CFAP61: variants seen among roughly 807,000 people sequenced by gnomAD.
CFAP61 encodes cilia and flagella associated protein 61.
CFAP61 carries 107 observed loss-of-function variants against 135.6 expected under a neutral mutation model. That is an observed-to-expected ratio of 0.79 (90% CI 0.67 to 0.93). CFAP61 has a LOEUF of 0.93. CFAP61 is among the 40% of genes least tolerant of loss of function. The pLI, the probability that CFAP61 is intolerant of heterozygous loss-of-function variation, is 0.00. For missense variants in CFAP61, 1,507 were observed against 1,556.2 expected, an observed-to-expected ratio of 0.97 and a Z score of 0.53; for synonymous variants, 575 against 578.5, an observed-to-expected ratio of 0.99 and a Z score of 0.09.
At position 20,098,771 on chromosome 20, in the gene CFAP61, C is replaced by T. The variant is rs181125825; in HGVS notation, c.816C>T (p.Asp272=). The T allele has an allele frequency of 1.9e-5, 30 of 1,613,922 alleles. No individual in the cohort carries two copies. The highest frequency in any genetic ancestry group is 1.1e-4 in the East Asian group (5 of 44,870). Residue 272 remains aspartate (D), a synonymous_variant, in exon 8 of 27, where the codon GAC becomes GAT. Coordinates refer to ENST00000245957, the MANE Select transcript of CFAP61 (RefSeq NM_015585.4). The part of the protein sequence containing the change: ...FHGLCFPHPD[D]VLESPQDLSV... ...GACTCTGTTTCCCACATCCTGATGA[C>T]GTTCTGGAATCACCACAAGACCTAA... is the stretch of plus-strand genomic sequence containing the variant.
chr20:20,272,507 T>G (rs1054141490), intron 21 of CFAP61, among the ~76,000 whole-genome samples: 2 of 152,162 alleles, frequency 1.3e-5, no homozygotes, highest in Non-Finnish European at 2.9e-5. Context: ...ACTGGGGCTA[T>G]CTTACCTGTC....
chr20:20,160,899 A>C (rs969172965), intron 10 of CFAP61, among the ~76,000 whole-genome samples: 6 of 152,116 alleles, frequency 3.9e-5, no homozygotes, highest in African/African-American at 1.4e-4. Flanking sequence ...TTCACCTCTT[A>C]GGTGGGACCA....
chr20:20,324,056 A>G (rs1168213516), intron 25 of CFAP61, among the ~76,000 whole-genome samples: 1 of 152,168 alleles, frequency 6.6e-6, no homozygotes, highest in Non-Finnish European at 1.5e-5. Context: ...ATTCTTGATG[A>G]TACATCTTTT....
At chr20:20,074,980 G>A (rs1274095124) in intron 4 of CFAP61, among the ~76,000 whole-genome samples, 2 of 152,176 alleles carry the variant, frequency 1.3e-5, no homozygotes, top group African/African-American at 4.8e-5. Context: ...GGGACAGATC[G>A]AAAAGGGGCC....
chr20:20,090,700 AAAAAAAAAAAAAGAAGG>A (rs2047128931), intron 6 of CFAP61, 127 bp from the exon 7 acceptor site: 2 of 695,676 alleles, frequency 2.9e-6, no homozygotes, highest in Non-Finnish European at 4.6e-6. Context: ...AAAAAAAAAA[AAAAAAAAAAAAAGAAGG>A]AAAGTTGATA....
intron 3 of CFAP61, among the ~76,000 whole-genome samples, chr20:20,071,262 A>C (rs968155763): frequency 1.3e-5 from 2 of 152,166 alleles, no homozygotes; most frequent in African/African-American, 4.8e-5. Context: ...GGGAGGAATT[A>C]GTGGAAGTGT....
chr20:20,143,477 A>T (rs2146753959), intron 9 of CFAP61, among the ~76,000 whole-genome samples: 1 of 152,256 alleles, frequency 6.6e-6, no homozygotes, highest in African/African-American at 2.4e-5. Context: ...GATTTAATGG[A>T]ATTAGTTTTT....
intron 10 of CFAP61, among the ~76,000 whole-genome samples, chr20:20,159,827 C>G (rs1322622360): frequency 3.9e-5 from 6 of 152,194 alleles, no homozygotes; most frequent in African/African-American, 1.4e-4. Flanking sequence ...CTGTCCGTGT[C>G]TAGGTGTGTT....
chr20:20,225,943 C>T (rs2048706945), intron 17 of CFAP61: 1 of 152,168 alleles, frequency 6.6e-6, no homozygotes, highest in African/African-American at 2.4e-5. Context: ...TGGATCTGTG[C>T]TAGGAAATTC....
chr20:20,179,881 G>A (rs533851339), intron 13 of CFAP61, among the ~76,000 whole-genome samples: 1 of 152,206 alleles, frequency 6.6e-6, no homozygotes, highest in South Asian at 2.1e-4. Context: ...TTAACTCAAG[G>A]ATTAAAGACT....
chr20:20,197,100 A>G (rs988368466), intron 16 of CFAP61, among the ~76,000 whole-genome samples: 4 of 152,214 alleles, frequency 2.6e-5, no homozygotes, highest in African/African-American at 4.8e-5. Flanking sequence ...CGTGAGTACA[A>G]TGCCAACATG....
At chr20:20,286,684 C>T (rs1326709792) in intron 22 of CFAP61, among the ~76,000 whole-genome samples, 1 of 152,176 alleles carries the variant, frequency 6.6e-6, no homozygotes, top group African/African-American at 2.4e-5. Context: ...AGGTCTGTAA[C>T]TTGTAACACA....
intron 17 of CFAP61, among the ~76,000 whole-genome samples, chr20:20,227,229 C>A (rs1296278623): frequency 6.6e-6 from 1 of 152,210 alleles, no homozygotes; most frequent in Non-Finnish European, 1.5e-5. Context: ...AAATCCAAAG[C>A]AGGTTTGACC....
At chr20:20,059,462 C>CA (rs2044639015) in intron 2 of CFAP61, among the ~76,000 whole-genome samples, 1 of 143,066 alleles carries the variant, frequency 7.0e-6, no homozygotes, top group South Asian at 2.3e-4. Flanking sequence ...ACCAAAAATA[C>CA]AAAAAATTAG....
chr20:20,060,720 G>C lies in CFAP61; in HGVS notation c.143+3924G>C, dbSNP rs149204080. 3.3e-5 allele frequency among the ~76,000 whole-genome samples: 5 copies of C among 152,358 alleles called. No individual in the cohort carries two copies. The East Asian group carries it at 9.6e-4, about 29-fold the overall frequency. ...ATGCAGCCAATGGAAAGCAGCAGAAGTGAGACTCTATTTGACTTCAAGTCT... is the reference window on the plus strand; with the variant it reads ...ATGCAGCCAATGGAAAGCAGCAGAACTGAGACTCTATTTGACTTCAAGTCT... On this transcript the variant is annotated intron_variant, in intron 2 of 26. Transcript: ENST00000245957.
At chr20:20,085,398 A>T in intron 6 of CFAP61, 1 of 1,356,460 alleles carries the variant, frequency 7.4e-7, no homozygotes, top group Non-Finnish European at 9.8e-7. Flanking sequence ...AAGATCATAA[A>T]TTATCAATTA....
intron 10 of CFAP61, among the ~76,000 whole-genome samples, chr20:20,160,914 G>A (rs187846708): frequency 6.6e-6 from 1 of 152,176 alleles, no homozygotes; most frequent in Non-Finnish European, 1.5e-5. Flanking sequence ...GGACCACTCT[G>A]CACTGTGTTC....
chr20:20,255,441 T>C (rs1424204752), intron 20 of CFAP61, among the ~76,000 whole-genome samples: 1 of 152,176 alleles, frequency 6.6e-6, no homozygotes, highest in Non-Finnish European at 1.5e-5. Flanking sequence ...GTAGGGCAGG[T>C]ACTTCCAAGC....
intron 7 of CFAP61, chr20:20,094,687 C>T (rs917261924): frequency 2.6e-5 from 4 of 152,288 alleles, no homozygotes; most frequent in East Asian, 1.9e-4. Flanking sequence ...CATCCAGCCC[C>T]ATCTCCTTCC....
Sources: gnomAD v4.1 joint callset for allele counts (sites outside exome capture counted in the v4.1 genomes callset) on GRCh38, gnomAD v4.1.1 for gene constraint, MANE v1.5 for transcripts, NCBI Gene and HGNC (gene_info 2026-07-23, HGNC 2026-07-21) for gene names.